Variants in KCNN3 observed in about 807,000 individuals in gnomAD.
The protein encoded by KCNN3 is potassium calcium-activated channel subfamily N member 3.
KCNN3 carries 16 observed loss-of-function variants against 62.9 expected under a neutral mutation model. That is an observed-to-expected ratio of 0.25 (90% CI 0.17 to 0.39). The LOEUF (loss-of-function observed/expected upper bound fraction) is 0.39, where lower values mean the gene tolerates loss of function less well. Among genes scored for constraint, KCNN3 ranks in the 10% least tolerant of loss-of-function variants. The pLI is 1.00. For synonymous variants in KCNN3, 370 were observed against 389.2 expected, an observed-to-expected ratio of 0.95 and a Z score of 0.58; for missense variants, 599 against 949.4, an observed-to-expected ratio of 0.63 and a Z score of 4.85.
chr1:154,857,387 C>T (rs1347368348), intron 1 of KCNN3, among the ~76,000 whole-genome samples: 3 of 152,156 alleles, frequency 2.0e-5, no homozygotes, highest in African/African-American at 7.2e-5. Flanking sequence ...CCTGGAGCTT[C>T]AGCAAACCCC....
rs1277660019 is a variant in KCNN3 at position 154,869,715 on chromosome 1, G to A, written c.250C>T (p.Pro84Ser). ...TGGAGTTGGGCGAGCTGAGACAGGGGATGCGGTGGCTGCTGCTGCTGCTGC... is the reference window on the plus strand; with the variant it reads ...TGGAGTTGGGCGAGCTGAGACAGGGAATGCGGTGGCTGCTGCTGCTGCTGC... ...QQQQQQQPPH[P>S]LSQLAQLQSQ... is the part of the protein sequence containing the mutation. Residue 84 changes from proline (P) to serine (S), a missense_variant, in exon 1 of 8, where the codon CCC becomes TCC. Pro to Ser is a moderately conservative substitution (Grantham distance 74). Transcript: ENST00000271915. This position sits in a 1 kb window ranked among gnomAD's most constrained non-coding sequence, Gnocchi z 6.1. 6.3e-6 allele frequency: 10 copies of A among 1,578,242 alleles called. No homozygotes were observed. Among genetic ancestry groups the A allele is most frequent in the Admixed American group, 3.7e-5 (2 of 53,582 alleles).
rs754861697 is a variant in KCNN3 at position 154,702,470 on chromosome 1, G to A, written c.*5506C>T. 3 of 151,384 alleles carry A rather than the reference G, an allele frequency of 2.0e-5. No homozygotes were observed. Among genetic ancestry groups the A allele is most frequent in the African/African-American group, 7.3e-5 (3 of 41,338 alleles). The allele number at this position is 151,384 out of a possible 1,614,324, so 9.4% of individuals were successfully genotyped here. On this transcript the variant is annotated 3_prime_UTR_variant, in exon 8 of 8. Coordinates refer to ENST00000271915, the MANE Select transcript of KCNN3 (RefSeq NM_002249.6). ...CAGTTTCTGAGCTTGCCATGAAAATGTTTCCTCCATTAACATCCTGTCATT... is the reference window on the plus strand; with the variant it reads ...CAGTTTCTGAGCTTGCCATGAAAATATTTCCTCCATTAACATCCTGTCATT...
chr1:154,769,611 A>G (rs1222225125), intron 3 of KCNN3, among the ~76,000 whole-genome samples: 2 of 152,250 alleles, frequency 1.3e-5, no homozygotes, highest in Non-Finnish European at 2.9e-5. Flanking sequence ...TGATAGGTTC[A>G]ATAAACTACG....
At chr1:154,811,909 A>G (rs1294442586) in intron 2 of KCNN3, among the ~76,000 whole-genome samples, 1 of 152,244 alleles carries the variant, frequency 6.6e-6, no homozygotes, top group Non-Finnish European at 1.5e-5. Flanking sequence ...ACTGAGTCCT[A>G]CTATGCACAG....
At chr1:154,757,334 G>T (rs149328257) in intron 3 of KCNN3, among the ~76,000 whole-genome samples, 1 of 152,216 alleles carries the variant, frequency 6.6e-6, no homozygotes, top group East Asian at 1.9e-4. Flanking sequence ...TTGTCTCTTT[G>T]AGTCCTGGCT....
intron 1 of KCNN3, among the ~76,000 whole-genome samples, chr1:154,855,351 C>T (rs970085966): frequency 6.6e-6 from 1 of 152,186 alleles, no homozygotes; most frequent in African/African-American, 2.4e-5. Context: ...CACTAGTCTA[C>T]AGTCATGTCC....
At chr1:154,859,797 T>G in intron 1 of KCNN3, 1 of 1,613,822 alleles carries the variant, frequency 6.2e-7, no homozygotes, top group African/African-American at 1.3e-5. Flanking sequence ...AAGGAGTAGG[T>G]GCCAGCTCAG....
chr1:154,741,967 C>A (rs572688987), intron 3 of KCNN3, among the ~76,000 whole-genome samples: 1 of 152,266 alleles, frequency 6.6e-6, no homozygotes, highest in Non-Finnish European at 1.5e-5. Context: ...ACAACACGTA[C>A]CTGGCTTGGC....
chr1:154,725,600 G>A (rs1239035402), intron 5 of KCNN3, among the ~76,000 whole-genome samples: 1 of 150,308 alleles, frequency 6.7e-6, no homozygotes, highest in African/African-American at 2.5e-5. Flanking sequence ...CTGGAGTGCA[G>A]TAGTGCGATC....
intron 1 of KCNN3, among the ~76,000 whole-genome samples, chr1:154,850,414 C>A (rs562901757): frequency 6.6e-6 from 1 of 152,218 alleles, no homozygotes; most frequent in Admixed American, 6.5e-5. Context: ...AGACTCTCAC[C>A]CTCCAAGCCC....
intron 3 of KCNN3, among the ~76,000 whole-genome samples, chr1:154,735,006 C>A (rs1162110484): frequency 3.9e-5 from 6 of 152,092 alleles, no homozygotes; most frequent in African/African-American, 1.2e-4. Context: ...GCTTCAGAGA[C>A]CAGGGGTCAG....
chr1:154,850,388 T>C (rs1652254700), intron 1 of KCNN3, among the ~76,000 whole-genome samples: 1 of 152,210 alleles, frequency 6.6e-6, no homozygotes, highest in Non-Finnish European at 1.5e-5. Context: ...GAGGTGGCCT[T>C]GGTCTACAGG....
chr1:154,795,953 T>G (rs1305270672), intron 2 of KCNN3, among the ~76,000 whole-genome samples: 1 of 152,126 alleles, frequency 6.6e-6, no homozygotes, highest in East Asian at 1.9e-4. Flanking sequence ...TAGACTGTAT[T>G]CTAAGGACAA....
In KCNN3 at chr1:154,707,314, C is replaced by A. The variant is rs1699982529; in HGVS notation, c.*662G>T. Reference sequence around the variant, plus strand: ...TGGATTAAGCTCAAATAAGAAAGGACCTGAAGCGAACGTGGGATGTGTATG... The same window carrying A: ...TGGATTAAGCTCAAATAAGAAAGGAACTGAAGCGAACGTGGGATGTGTATG... On this transcript the variant is annotated 3_prime_UTR_variant, in exon 8 of 8. Coordinates refer to ENST00000271915, the MANE Select transcript of KCNN3 (RefSeq NM_002249.6). The A allele has an allele frequency of 6.6e-6, 1 of 152,022 alleles. No individual in the cohort carries two copies. Among genetic ancestry groups the A allele is most frequent in the South Asian group, 2.1e-4 (1 of 4,828 alleles). 9.4% of individuals were successfully genotyped at this position (152,022 alleles called of 1,614,324 possible).
chr1:154,790,766 T>C (rs1259835985), intron 2 of KCNN3, among the ~76,000 whole-genome samples: 1 of 152,228 alleles, frequency 6.6e-6, no homozygotes, highest in Admixed American at 6.5e-5. Context: ...TATCTCTCTC[T>C]GTAGGATTCG....
chr1:154,834,904 G>C (rs942771079), intron 1 of KCNN3, among the ~76,000 whole-genome samples: 4 of 152,158 alleles, frequency 2.6e-5, no homozygotes, highest in Admixed American at 2.6e-4. Flanking sequence ...TCACGGAGGA[G>C]GTCGCTTGTT....
intron 2 of KCNN3, among the ~76,000 whole-genome samples, chr1:154,776,384 C>T (rs1328489718): frequency 6.6e-6 from 1 of 152,016 alleles, no homozygotes; most frequent in African/African-American, 2.4e-5. Flanking sequence ...ATTAAGCTGG[C>T]TGGCCTGGGG....
intron 1 of KCNN3, among the ~76,000 whole-genome samples, chr1:154,839,965 G>C (rs1651760314): frequency 6.6e-6 from 1 of 152,198 alleles, no homozygotes; most frequent in African/African-American, 2.4e-5. Context: ...CACAGAGCTG[G>C]GGGGAGGGGC....
At chr1:154,867,021 C>T (rs1446847098) in intron 1 of KCNN3, among the ~76,000 whole-genome samples, 1 of 152,286 alleles carries the variant, frequency 6.6e-6, no homozygotes, top group Non-Finnish European at 1.5e-5. Context: ...TGGGAATAGC[C>T]GTTTCCTTAA....
Sources: gnomAD v4.1 joint callset for allele counts (sites outside exome capture counted in the v4.1 genomes callset) on GRCh38, gnomAD v4.1.1 for gene constraint, Gnocchi (gnomAD v3.1) non-coding constraint, MANE v1.5 for transcripts, NCBI Gene and HGNC (gene_info 2026-07-23, HGNC 2026-07-21) for gene names.